Variants in FILIP1L observed in about 807,000 individuals in gnomAD.
FILIP1L encodes filamin A-interacting protein 1-like.
A neutral mutation model predicts 96.6 loss-of-function variants in FILIP1L; 55 were observed. The observed-to-expected ratio is 0.57, with a 90% CI of 0.46 to 0.71. The LOEUF is 0.71. FILIP1L is among the 30% of genes least tolerant of loss of function. The pLI is 0.00. For missense variants in FILIP1L, 1,304 were observed against 1,321.2 expected (o/e 0.99, Z 0.20); for synonymous variants, 467 against 473.9 (o/e 0.99, Z 0.19).
chr3:100,056,701 TAA>T (rs71299385), intron 1 of FILIP1L, among the ~76,000 whole-genome samples: 3 of 145,478 alleles, frequency 2.1e-5, no homozygotes, highest in African/African-American at 5.1e-5. Flanking sequence ...TCTAGACCAT[TAA>T]AAAAAAAAAA....
At chr3:99,878,189 T>G (rs1200760178) in intron 4 of FILIP1L, among the ~76,000 whole-genome samples, 1 of 152,226 alleles carries the variant, frequency 6.6e-6, no homozygotes, top group Admixed American at 6.5e-5. Flanking sequence ...GACTCAGCTT[T>G]CCAAGTGAGG....
At chr3:99,982,709 C>G (rs1308349549) in intron 1 of FILIP1L, among the ~76,000 whole-genome samples, 1 of 152,098 alleles carries the variant, frequency 6.6e-6, no homozygotes, top group East Asian at 1.9e-4. Flanking sequence ...AGTAACCAGA[C>G]CACCATTCAT....
intron 5 of FILIP1L, among the ~76,000 whole-genome samples, chr3:99,836,301 A>G (rs1183237883): frequency 1.3e-5 from 2 of 152,194 alleles, no homozygotes; most frequent in Non-Finnish European, 2.9e-5. Flanking sequence ...AATAGTTCCC[A>G]GATGTTGAAC....
At chr3:99,893,162 C>CTTTTT (rs1200176411) in intron 4 of FILIP1L, among the ~76,000 whole-genome samples, 1 of 107,646 alleles carries the variant, frequency 9.3e-6, no homozygotes, top group Non-Finnish European at 1.9e-5. Flanking sequence ...GGCATCTAGA[C>CTTTTT]TTTTTTTTTT....
At chr3:99,945,335 T>C (rs747132006) in intron 1 of FILIP1L, among the ~76,000 whole-genome samples, 1 of 152,106 alleles carries the variant, frequency 6.6e-6, no homozygotes, top group Non-Finnish European at 1.5e-5. Context: ...TTCCCAGCCT[T>C]GTTGCGTAGA....
chr3:100,076,518 T>G (rs569169587), intron 1 of FILIP1L, among the ~76,000 whole-genome samples: 10 of 152,360 alleles, frequency 6.6e-5, no homozygotes, highest in African/African-American at 1.7e-4. Flanking sequence ...ATCTAATCTG[T>G]GGGTTACAGT....
rs2066533660 is a variant in FILIP1L, at chr3:100,114,081, C to T, written c.-39G>A. 2 of 152,182 alleles carry T rather than the reference C, an allele frequency of 1.3e-5. No individual in the cohort carries two copies. Among genetic ancestry groups the T allele is most frequent in the African/African-American group, 4.8e-5 (2 of 41,402 alleles). The allele number at this position is 152,182 out of a possible 1,614,324, so 9.4% of individuals were successfully genotyped here. Reference sequence around the variant, plus strand: ...GCAGGTACCGTGCAGGTGTTGATCACACCTGGTAATTCCTTCTTCTCATCC... The same window carrying T: ...GCAGGTACCGTGCAGGTGTTGATCATACCTGGTAATTCCTTCTTCTCATCC... On this transcript the variant is annotated 5_prime_UTR_variant, in exon 1 of 6. In the 5' UTR this introduces an upstream ATG that the reference lacks. Coordinates refer to ENST00000477258, the MANE Select transcript of FILIP1L (RefSeq NM_001387850.1).
intron 4 of FILIP1L, among the ~76,000 whole-genome samples, chr3:99,896,956 G>A (rs1420780467): frequency 6.6e-6 from 1 of 152,094 alleles, no homozygotes; most frequent in African/African-American, 2.4e-5. Flanking sequence ...ATTTTCAGTC[G>A]CAAAATTTAA....
chr3:100,066,812 T>TGGAA (rs2065673669), intron 1 of FILIP1L, among the ~76,000 whole-genome samples: 1 of 94,874 alleles, frequency 1.1e-5, no homozygotes, highest in Non-Finnish European at 2.5e-5. Flanking sequence ...ATTACAGGCG[T>TGGAA]GGCTTTGCTT....
intron 1 of FILIP1L, among the ~76,000 whole-genome samples, chr3:99,990,587 A>G (rs1218791601): frequency 6.6e-6 from 1 of 152,162 alleles, no homozygotes; most frequent in Non-Finnish European, 1.5e-5. Flanking sequence ...AGAGCCTCTA[A>G]ATAATACCAA....
intron 5 of FILIP1L, among the ~76,000 whole-genome samples, chr3:99,841,421 T>C (rs1943126613): frequency 6.6e-6 from 1 of 152,222 alleles, no homozygotes. Flanking sequence ...CTCCCTCTAT[T>C]GTTTAGACCT....
intron 4 of FILIP1L, among the ~76,000 whole-genome samples, chr3:99,908,137 G>C (rs1211902912): frequency 6.6e-6 from 1 of 152,182 alleles, no homozygotes; most frequent in Admixed American, 6.5e-5. Flanking sequence ...CAGAATTTCT[G>C]TGCTGTATCA....
chr3:100,012,955 A>G (rs1009505210), intron 1 of FILIP1L, among the ~76,000 whole-genome samples: 3 of 151,610 alleles, frequency 2.0e-5, no homozygotes, highest in Non-Finnish European at 2.9e-5. Context: ...TATTTTATGT[A>G]TGTATGTATT....
At chr3:99,966,419 T>A (rs1670054944) in intron 1 of FILIP1L, among the ~76,000 whole-genome samples, 2 of 152,138 alleles carry the variant, frequency 1.3e-5, no homozygotes, top group South Asian at 2.1e-4. Context: ...CGGCTATATA[T>A]AGTTTTAGAG....
chr3:100,091,853 C>T (rs879414523), intron 1 of FILIP1L, among the ~76,000 whole-genome samples: 1 of 152,138 alleles, frequency 6.6e-6, no homozygotes, highest in Non-Finnish European at 1.5e-5. Context: ...TCCGATTCCA[C>T]GTTGGGCCTG....
At chr3:100,107,613 A>G (rs1411420764) in intron 1 of FILIP1L, among the ~76,000 whole-genome samples, 2 of 152,208 alleles carry the variant, frequency 1.3e-5, no homozygotes, top group African/African-American at 2.4e-5. Flanking sequence ...TTAGGAAAGA[A>G]CAAATAAAAC....
intron 1 of FILIP1L, among the ~76,000 whole-genome samples, chr3:100,100,322 G>A (rs1425985740): frequency 6.6e-6 from 1 of 152,106 alleles, no homozygotes; most frequent in Non-Finnish European, 1.5e-5. Flanking sequence ...CCCAAAAATA[G>A]CAATATTTGT....
intron 1 of FILIP1L, among the ~76,000 whole-genome samples, chr3:100,068,581 A>G (rs2065707069): frequency 2.0e-5 from 3 of 152,222 alleles, no homozygotes; most frequent in Non-Finnish European, 4.4e-5. Context: ...TAGTATATGT[A>G]TCAGTTTACT....
At chr3:99,847,510 T>C (rs898464521) in intron 5 of FILIP1L, among the ~76,000 whole-genome samples, 2 of 152,148 alleles carry the variant, frequency 1.3e-5, no homozygotes, top group Admixed American at 6.5e-5. Flanking sequence ...AAATGTACTT[T>C]CTCTGGCTTC....
Sources: gnomAD v4.1 joint callset for allele counts (sites outside exome capture counted in the v4.1 genomes callset) on GRCh38, gnomAD v4.1.1 for gene constraint, MANE v1.5 for transcripts, NCBI Gene and HGNC (gene_info 2026-07-23, HGNC 2026-07-21) for gene names.